MAP3K13: variants seen among roughly 807,000 people sequenced by gnomAD.
MAP3K13 encodes leucine zipper-bearing kinase.
A neutral mutation model predicts 104.0 loss-of-function variants in MAP3K13; 52 were observed. The observed-to-expected ratio is 0.50, with a 90% confidence interval of 0.40 to 0.63. The LOEUF is 0.63. Ranked by LOEUF, MAP3K13 falls within the 20% of genes least tolerant of loss-of-function variation. MAP3K13 has a pLI of 0.00. For missense variants in MAP3K13, 914 were observed against 1,218.5 expected, an observed-to-expected ratio of 0.75 and a Z score of 3.72; for synonymous variants, 394 against 442.2, an observed-to-expected ratio of 0.89 and a Z score of 1.37.
chr3:185,346,396 T>C (rs934224328), intron 2 of MAP3K13, among the ~76,000 whole-genome samples: 4 of 152,236 alleles, frequency 2.6e-5, no homozygotes, highest in African/African-American at 9.6e-5. Flanking sequence ...TAGTCATCTA[T>C]ACATGTTAGA....
intron 2 of MAP3K13, among the ~76,000 whole-genome samples, chr3:185,432,398 C>A (rs1714797688): frequency 6.6e-6 from 1 of 152,036 alleles, no homozygotes; most frequent in African/African-American, 2.4e-5. Flanking sequence ...ACCATGTTGG[C>A]CAGGCTGGTC....
intron 2 of MAP3K13, among the ~76,000 whole-genome samples, chr3:185,316,277 T>A (rs1721670637): frequency 6.6e-6 from 1 of 152,212 alleles, no homozygotes; most frequent in African/African-American, 2.4e-5. Context: ...TTTGGGAAAG[T>A]AAAGGTTAGG....
intron 2 of MAP3K13, among the ~76,000 whole-genome samples, chr3:185,317,300 C>T (rs866843443): frequency 2.0e-5 from 3 of 152,030 alleles, no homozygotes; most frequent in South Asian, 4.1e-4. Context: ...GTGGCCAGGT[C>T]GGGGAAATAT....
chr3:185,371,811 G>A (rs957457224), intron 1 of MAP3K13, among the ~76,000 whole-genome samples: 1 of 152,116 alleles, frequency 6.6e-6, no homozygotes, highest in African/African-American at 2.4e-5. Flanking sequence ...CTAAAGGGGG[G>A]CTGTCACAGT....
intron 1 of MAP3K13, among the ~76,000 whole-genome samples, chr3:185,421,059 G>C (rs1444446757): frequency 2.6e-5 from 4 of 152,190 alleles, no homozygotes; most frequent in Non-Finnish European, 5.9e-5. Context: ...AGCACTTCCT[G>C]CACCCTTTGC....
At chr3:185,362,684 G>A (rs550762569), upstream of MAP3K13, among the ~76,000 whole-genome samples, 1 of 152,186 alleles carries the variant, frequency 6.6e-6, no homozygotes, top group South Asian at 2.1e-4. Context: ...TACAAGTCGT[G>A]GTGAGCAGGG....
intron 2 of MAP3K13, among the ~76,000 whole-genome samples, chr3:185,327,192 G>A (rs1237699944): frequency 6.6e-6 from 1 of 152,064 alleles, no homozygotes; most frequent in African/African-American, 2.4e-5. Flanking sequence ...CTCCATCTTC[G>A]AAGCCAGCGA....
chr3:185,402,688 G>A (rs4129377), intron 1 of MAP3K13, among the ~76,000 whole-genome samples: 2,644 of 152,208 alleles, frequency 0.017, 79 homozygotes, highest in African/African-American at 0.06. Context: ...TTAATCCTGG[G>A]CGCTGTGTTG....
chr3:185,417,730 C>T lies in MAP3K13; in HGVS notation c.-85-10767C>T, dbSNP rs879072838. On this transcript the variant is annotated intron_variant, in intron 1 of 13. Coordinates refer to ENST00000265026, the MANE Select transcript of MAP3K13 (RefSeq NM_004721.5). ...TGCTGCAGCAGCTGCCTTATCCACC[C>T]GGAGCTTGTGATTCCTGGCCTGGCG... is the stretch of plus-strand genomic sequence containing the variant. The T allele has an allele frequency of 3.7e-6, 6 of 1,612,542 alleles. No individual in the cohort carries two copies. In the South Asian group the frequency reaches 4.4e-5, roughly 12 times the overall value.
rs569112395 is a variant in MAP3K13 at position 185,335,316 on chromosome 3, C to T, written c.-86+49673C>T. 2.6e-5 allele frequency among the ~76,000 whole-genome samples: 4 copies of T among 152,204 alleles called. No homozygotes were observed. The East Asian group carries it at 5.8e-4, about 22-fold the overall frequency. On this transcript the variant is annotated intron_variant, in intron 2 of 14. Coordinates refer to the MAP3K13 transcript ENST00000424227. The stretch of plus-strand genomic sequence containing the variant: ...TAGTATTTTTGAGAGCTATAATAAG[C>T]CCCCTCTTTGATACAAAATAATGTA...
intron 2 of MAP3K13, among the ~76,000 whole-genome samples, chr3:185,341,817 G>A (rs958698719): frequency 1.3e-5 from 2 of 152,202 alleles, no homozygotes; most frequent in Non-Finnish European, 2.9e-5. Flanking sequence ...AACACGCCAT[G>A]CCTATTTATT....
At chr3:185,442,293 C>T (rs1221872472) in intron 3 of MAP3K13, among the ~76,000 whole-genome samples, 2 of 150,410 alleles carry the variant, frequency 1.3e-5, no homozygotes, top group Non-Finnish European at 3.0e-5. Context: ...AACCTTGTTA[C>T]GACGTCACCA....
chr3:185,410,805 GGC>G (rs1240352328), intron 1 of MAP3K13, among the ~76,000 whole-genome samples: 2 of 151,806 alleles, frequency 1.3e-5, no homozygotes, highest in Non-Finnish European at 2.9e-5. Flanking sequence ...CATTGTGGCG[GGC>G]GCCTGTAATC....
chr3:185,476,559 T>A (rs569828717), intron 11 of MAP3K13: 8 of 152,332 alleles, frequency 5.3e-5, no homozygotes, highest in African/African-American at 1.9e-4. Flanking sequence ...TGGCTGCTCC[T>A]ATGCCCTTGG....
chr3:185,455,105 G>GAGAT (rs1491549351), intron 7 of MAP3K13, among the ~76,000 whole-genome samples: 6 of 114,924 alleles, frequency 5.2e-5, no homozygotes, highest in Non-Finnish European at 8.3e-5. Flanking sequence ...AGATATATGT[G>GAGAT]AGATATATGA....
At chr3:185,290,907 GA>G (rs1406173199) in intron 2 of MAP3K13, among the ~76,000 whole-genome samples, 1 of 152,124 alleles carries the variant, frequency 6.6e-6, no homozygotes, top group Non-Finnish European at 1.5e-5. Context: ...AACCTCTTCT[GA>G]AAAAGAGAAG....
chr3:185,285,009 A>C (rs1720459419), intron 1 of MAP3K13, among the ~76,000 whole-genome samples: 1 of 151,844 alleles, frequency 6.6e-6, no homozygotes, highest in Admixed American at 6.6e-5. Context: ...TGGGGTAGGA[A>C]ACCCTGAATT....
intron 1 of MAP3K13, among the ~76,000 whole-genome samples, chr3:185,384,177 A>G (rs1711547752): frequency 6.6e-6 from 1 of 152,078 alleles, no homozygotes; most frequent in African/African-American, 2.4e-5. Context: ...TAGCTCCCAC[A>G]TATGAATGAG....
At chr3:185,386,173 G>T (rs1711675154) in intron 1 of MAP3K13, among the ~76,000 whole-genome samples, 1 of 151,842 alleles carries the variant, frequency 6.6e-6, no homozygotes, top group African/African-American at 2.4e-5. Context: ...TCCAACAAAG[G>T]TCTAATATTC....
Sources: gnomAD v4.1 joint callset for allele counts (sites outside exome capture counted in the v4.1 genomes callset) on GRCh38, gnomAD v4.1.1 for gene constraint, MANE v1.5 for transcripts, NCBI Gene and HGNC (gene_info 2026-07-23, HGNC 2026-07-21) for gene names.